The following AGBL4 variants were observed in gnomAD, a reference collection of about 807,000 sequenced individuals.
The protein encoded by AGBL4 is cytosolic carboxypeptidase 6.
A neutral mutation model predicts 66.4 loss-of-function variants in AGBL4; 58 were observed. The ratio of observed to expected loss-of-function variants is 0.87; its 90% CI spans 0.71 to 1.09. The LOEUF is 1.09. Among genes scored for constraint, AGBL4 ranks in the 50% least tolerant of loss-of-function variants. The probability of loss-of-function intolerance (pLI) is 0.00; values close to 1 mark genes in which losing one functional copy is unlikely to be tolerated. For missense variants in AGBL4, 579 were observed against 631.0 expected, an observed-to-expected ratio of 0.92 and a Z score of 0.88; for synonymous variants, 234 against 222.9, an observed-to-expected ratio of 1.05 and a Z score of -0.44.
intron 3 of AGBL4, among the ~76,000 whole-genome samples, chr1:49,271,922 G>A (rs972247548): frequency 1.3e-5 from 2 of 152,082 alleles, no homozygotes; most frequent in Non-Finnish European, 2.9e-5. Flanking sequence ...TTTGGCTTTT[G>A]AGGGTACCAA....
intron 6 of AGBL4, among the ~76,000 whole-genome samples, chr1:48,861,293 T>C (rs891565778): frequency 6.6e-6 from 1 of 152,140 alleles, no homozygotes; most frequent in Non-Finnish European, 1.5e-5. Flanking sequence ...ATTTGTCCAA[T>C]AGAAATTGTT....
chr1:48,791,041 A>T (rs987274424), intron 6 of AGBL4, among the ~76,000 whole-genome samples: 1 of 152,188 alleles, frequency 6.6e-6, no homozygotes. Context: ...CGGCCTCCAG[A>T]ACCATGAGCC....
At chr1:48,908,416 T>G (rs1264167559) in intron 5 of AGBL4, among the ~76,000 whole-genome samples, 1 of 152,246 alleles carries the variant, frequency 6.6e-6, no homozygotes, top group Non-Finnish European at 1.5e-5. Context: ...ATAGGCAAGT[T>G]GTGAATCTCT....
At position 49,099,020 on chromosome 1, in the gene AGBL4, C is replaced by T. The variant is rs1645156311; in HGVS notation, c.378-53220G>A. 4.6e-5 allele frequency among the ~76,000 whole-genome samples: 7 copies of T among 152,142 alleles called. No individual in the cohort carries two copies. The South Asian group carries it at 1.4e-3, about 31-fold the overall frequency. ...CCACGGGCCAAGCTCTTGCTAGAGC[C>T]TCCCAGAGGAAGGCGAATGGGAAAG... On this transcript the variant is annotated intron_variant, in intron 4 of 13. Coordinates refer to ENST00000371839, the MANE Select transcript of AGBL4 (RefSeq NM_032785.4).
At chr1:49,628,212 A>T (rs1419823720) in intron 3 of AGBL4, among the ~76,000 whole-genome samples, 2 of 152,116 alleles carry the variant, frequency 1.3e-5, no homozygotes, top group African/African-American at 4.8e-5. Context: ...CTCCTTTTGC[A>T]GCTCACCGTA....
chr1:48,988,143 C>T (rs1660318083), intron 5 of AGBL4, among the ~76,000 whole-genome samples: 1 of 152,114 alleles, frequency 6.6e-6, no homozygotes, highest in Non-Finnish European at 1.5e-5. Flanking sequence ...TATACATACA[C>T]TTAAAATGGA....
chr1:49,047,670 G>A (rs1644113013), intron 4 of AGBL4, among the ~76,000 whole-genome samples: 1 of 152,102 alleles, frequency 6.6e-6, no homozygotes, highest in Admixed American at 6.6e-5. Context: ...TTTCTTGAGA[G>A]GGCAATTGGG....
At chr1:49,596,142 A>G (rs973090133) in intron 3 of AGBL4, among the ~76,000 whole-genome samples, 3 of 152,158 alleles carry the variant, frequency 2.0e-5, no homozygotes, top group African/African-American at 7.2e-5. Flanking sequence ...TGTGACCACA[A>G]TAGCATACTT....
At chr1:49,442,972 G>T (rs1179484) in intron 3 of AGBL4, among the ~76,000 whole-genome samples, 104,342 of 151,990 alleles carry the variant, frequency 0.69, 36,583 homozygotes, top group African/African-American at 0.79. Flanking sequence ...TAACAGCCAC[G>T]CTGACTTGAG....
In AGBL4 at chr1:49,896,206, C is replaced by A. The variant is rs1024377124; in HGVS notation, c.35-44688G>T. ...CAGAGCAATTGTAAATATATATGTA[C>A]CCAATATTGGAGAACCCAGATATAT... On this transcript the variant is annotated intron_variant, in intron 1 of 13. Coordinates refer to ENST00000371839, the MANE Select transcript of AGBL4 (RefSeq NM_032785.4). 2.0e-5 allele frequency among the ~76,000 whole-genome samples: 3 copies of A among 151,940 alleles called. No homozygotes were observed. In the South Asian group the frequency reaches 6.2e-4, roughly 31 times the overall value.
intron 2 of AGBL4, among the ~76,000 whole-genome samples, chr1:49,786,211 C>A (rs975134286): frequency 3.9e-5 from 6 of 152,088 alleles, no homozygotes; most frequent in Admixed American, 3.9e-4. Context: ...TCTTTTTCTA[C>A]AAATACTCAT....
At chr1:48,595,764 C>T (rs78159341) in intron 9 of AGBL4, among the ~76,000 whole-genome samples, 4,013 of 152,260 alleles carry the variant, frequency 0.026, 147 homozygotes, top group Admixed American at 0.11. Context: ...TTTTCTTTCT[C>T]TATTCTGAGC....
chr1:48,567,015 T>C (rs992929573), intron 11 of AGBL4, among the ~76,000 whole-genome samples: 1 of 152,198 alleles, frequency 6.6e-6, no homozygotes, highest in African/African-American at 2.4e-5. Context: ...TAAATCTATA[T>C]ATACATGCAC....
chr1:48,847,693 G>A (rs1434558777), intron 6 of AGBL4, among the ~76,000 whole-genome samples: 1 of 152,188 alleles, frequency 6.6e-6, no homozygotes, highest in Non-Finnish European at 1.5e-5. Context: ...TGGGGACAGA[G>A]ACGGTGTCTT....
At chr1:49,127,901 C>T (rs1645798467) in intron 4 of AGBL4, among the ~76,000 whole-genome samples, 1 of 151,936 alleles carries the variant, frequency 6.6e-6, no homozygotes, top group Non-Finnish European at 1.5e-5. Context: ...TACAAACACA[C>T]AACAATGTAA....
At chr1:49,245,729 T>C (rs1334375635) in intron 4 of AGBL4, 41 bp downstream of exon 4, 1 of 1,477,226 alleles carries the variant, frequency 6.8e-7, no homozygotes, top group Non-Finnish European at 9.2e-7. Context: ...CTGGGACAAA[T>C]TTTCTAACCA....
At chr1:49,567,140 A>G (rs1644227098) in intron 3 of AGBL4, among the ~76,000 whole-genome samples, 2 of 152,156 alleles carry the variant, frequency 1.3e-5, no homozygotes, top group Admixed American at 1.3e-4. Flanking sequence ...GTTTGTTAAG[A>G]CCATTGGAAA....
intron 3 of AGBL4, among the ~76,000 whole-genome samples, chr1:49,635,805 C>T (rs994685312): frequency 5.3e-5 from 8 of 152,206 alleles, no homozygotes; most frequent in Non-Finnish European, 1.2e-4. Flanking sequence ...GGTACAACTA[C>T]TTAGAAAAAC....
chr1:49,768,645 T>G (rs1643963080), intron 2 of AGBL4, among the ~76,000 whole-genome samples: 1 of 152,054 alleles, frequency 6.6e-6, no homozygotes. Flanking sequence ...TCAACACTCC[T>G]ATTCAACATA....
Sources: gnomAD v4.1 joint callset for allele counts (sites outside exome capture counted in the v4.1 genomes callset) on GRCh38, gnomAD v4.1.1 for gene constraint, MANE v1.5 for transcripts, NCBI Gene and HGNC (gene_info 2026-07-23, HGNC 2026-07-21) for gene names.